The following AFF3 variants were observed in gnomAD, a reference collection of about 807,000 sequenced individuals.
AFF3 encodes the protein ALF transcription elongation factor 3.
In AFF3, 32 loss-of-function variants were observed where a neutral mutation model predicts 129.7. The ratio of observed to expected loss-of-function variants is 0.25; its 90% CI spans 0.19 to 0.33. The LOEUF is 0.33. Ranked by LOEUF, AFF3 falls within the 10% of genes least tolerant of loss-of-function variation. The pLI, the probability that AFF3 is intolerant of heterozygous loss-of-function variation, is 1.00. For synonymous variants in AFF3, 644 were observed against 635.4 expected, an observed-to-expected ratio of 1.01 and a Z score of -0.20; for missense variants, 1,373 against 1,592.0, an observed-to-expected ratio of 0.86 and a Z score of 2.34.
chr2:99,879,801 T>C (rs1020398019), intron 7 of AFF3, among the ~76,000 whole-genome samples: 1 of 152,220 alleles, frequency 6.6e-6, no homozygotes, highest in Non-Finnish European at 1.5e-5. Flanking sequence ...TTGAGTATTT[T>C]ATGTCCTTTT....
chr2:100,130,658 A>G (rs1198248829), intron 1 of AFF3, among the ~76,000 whole-genome samples: 2 of 152,314 alleles, frequency 1.3e-5, no homozygotes, highest in African/African-American at 2.4e-5. Context: ...GCTTCGGAGT[A>G]TGGAGTTTCC....
At chr2:99,560,473 C>T (rs1675368396) in intron 20 of AFF3, 37 bp from the exon 21 acceptor site, 1 of 1,581,318 alleles carries the variant, frequency 6.3e-7, no homozygotes, top group East Asian at 2.2e-5. Flanking sequence ...GAATAAAAAA[C>T]ATAAAAAGCA....
At chr2:99,834,565 G>A (rs962623215) in intron 8 of AFF3, among the ~76,000 whole-genome samples, 5 of 152,148 alleles carry the variant, frequency 3.3e-5, no homozygotes, top group Non-Finnish European at 5.9e-5. Flanking sequence ...TCTCGAGTTT[G>A]GCTTCTGCCC....
intron 12 of AFF3, among the ~76,000 whole-genome samples, chr2:99,669,588 A>C (rs1336111846): frequency 6.6e-6 from 1 of 152,178 alleles, no homozygotes; most frequent in Non-Finnish European, 1.5e-5. Flanking sequence ...GCATGGGGGC[A>C]CCTGGGTCAT....
chr2:99,897,622 A>C (rs907716827), intron 7 of AFF3, among the ~76,000 whole-genome samples: 1 of 152,184 alleles, frequency 6.6e-6, no homozygotes, highest in Non-Finnish European at 1.5e-5. Context: ...GCCTCTGCTG[A>C]GGATTTTAGT....
chr2:99,976,828 A>G (rs548403334), intron 7 of AFF3, among the ~76,000 whole-genome samples: 7 of 145,338 alleles, frequency 4.8e-5, no homozygotes, highest in African/African-American at 1.3e-4. Flanking sequence ...AAAAAGGCTT[A>G]TATTTACTTG....
At chr2:99,569,027 G>A in intron 18 of AFF3, 112 bp from the exon 19 acceptor site, 1 of 1,005,908 alleles carries the variant, frequency 9.9e-7, no homozygotes, top group African/African-American at 1.6e-5. Flanking sequence ...TCTGCTTAAT[G>A]CGGAATTAAG....
rs182801456 is a variant in AFF3 at position 99,993,882 on chromosome 2, T to C, written c.873+12750A>G. On this transcript the variant is annotated intron_variant, in intron 7 of 24. Transcript: ENST00000672756. ...GTGCAATGGTGTGATCTCGGCTCAT[T>C]GCAACCTCCACCTCCTGGGTTCAAG... Among the ~76,000 whole-genome samples, 40 of 141,928 alleles carry C rather than the reference T, an allele frequency of 2.8e-4. No homozygotes were observed. In the East Asian group the frequency reaches 8.2e-3, roughly 29 times the overall value. 93.1% of individuals were successfully genotyped at this position (141,928 alleles called of 152,430 possible).
At chr2:99,933,798 A>G (rs933749929) in intron 7 of AFF3, among the ~76,000 whole-genome samples, 2 of 152,178 alleles carry the variant, frequency 1.3e-5, no homozygotes, top group African/African-American at 4.8e-5. Flanking sequence ...TAGTGCTGCA[A>G]TAAACATACA....
intron 7 of AFF3, among the ~76,000 whole-genome samples, chr2:99,958,386 G>C (rs1442653793): frequency 2.6e-5 from 4 of 151,600 alleles, no homozygotes; most frequent in African/African-American, 9.7e-5. Context: ...TCAGCTACTC[G>C]AGAGGCTGAG....
At chr2:99,756,823 A>G (rs1428335199) in intron 8 of AFF3, among the ~76,000 whole-genome samples, 1 of 152,210 alleles carries the variant, frequency 6.6e-6, no homozygotes, top group African/African-American at 2.4e-5. Flanking sequence ...GATTATACAC[A>G]TAAGAGTCCA....
At chr2:99,959,696 CATATATAT>C (rs58551565) in intron 7 of AFF3, among the ~76,000 whole-genome samples, 26,391 of 138,126 alleles carry the variant, frequency 0.19, 3,042 homozygotes, top group African/African-American at 0.33. Flanking sequence ...TAGTGTATAG[CATATATAT>C]ATATATATAT....
intron 7 of AFF3, among the ~76,000 whole-genome samples, chr2:99,960,293 T>C (rs1677094108): frequency 1.3e-5 from 2 of 152,128 alleles, no homozygotes; most frequent in South Asian, 4.1e-4. Flanking sequence ...TGTTTAATTG[T>C]GTTTAAATAA....
At chr2:99,553,385 T>C (rs1310159231) in intron 24 of AFF3, among the ~76,000 whole-genome samples, 8 of 152,198 alleles carry the variant, frequency 5.3e-5, no homozygotes, top group Non-Finnish European at 1.2e-4. Context: ...ATCCTGAACA[T>C]CTTGCTCTTT....
chr2:99,835,495 A>T (rs1193982603), intron 8 of AFF3, among the ~76,000 whole-genome samples: 2 of 152,166 alleles, frequency 1.3e-5, no homozygotes, highest in African/African-American at 4.8e-5. Context: ...AGGCAGGCAT[A>T]GACAGAAAGC....
chr2:99,885,069 G>A (rs757890242), intron 7 of AFF3, among the ~76,000 whole-genome samples: 2 of 152,110 alleles, frequency 1.3e-5, no homozygotes, highest in African/African-American at 2.4e-5. Flanking sequence ...CTCACCAGCC[G>A]TTAATAGCCC....
chr2:100,014,481 T>C (rs145690936), intron 4 of AFF3, among the ~76,000 whole-genome samples: 2 of 152,194 alleles, frequency 1.3e-5, no homozygotes, highest in African/African-American at 4.8e-5. Context: ...GATTGAGCCA[T>C]CCTGCTGATG....
At chr2:99,580,235 G>A (rs1049154846) in intron 17 of AFF3, among the ~76,000 whole-genome samples, 1 of 151,988 alleles carries the variant, frequency 6.6e-6, no homozygotes, top group Non-Finnish European at 1.5e-5. Context: ...TAGAGATCTC[G>A]CATCAGGGGT....
chr2:99,684,615 T>C (rs573645448), intron 11 of AFF3, among the ~76,000 whole-genome samples: 162 of 116,538 alleles, frequency 1.4e-3, no homozygotes, highest in African/African-American at 5.5e-3. Flanking sequence ...CATGAATTCA[T>C]TTTTTTTTTT....
Sources: gnomAD v4.1 joint callset for allele counts (sites outside exome capture counted in the v4.1 genomes callset) on GRCh38, gnomAD v4.1.1 for gene constraint, MANE v1.5 for transcripts, NCBI Gene and HGNC (gene_info 2026-07-23, HGNC 2026-07-21) for gene names.